Variants in LIFR observed in about 807,000 individuals in gnomAD.
LIFR encodes LIF receptor subunit alpha.
Under a neutral mutation model 122.2 loss-of-function variants are expected in LIFR, and 84 were observed. That is an observed-to-expected ratio of 0.69 (90% CI 0.58 to 0.82). LIFR has a LOEUF of 0.82. LIFR is among the 40% of genes least tolerant of loss of function. The pLI is 0.00. For missense variants in LIFR, 1,294 were observed against 1,311.6 expected (o/e 0.99, Z 0.21); for synonymous variants, 422 against 434.7 (o/e 0.97, Z 0.36).
At chr5:38,546,769 G>A (rs1041039003) in intron 1 of LIFR, among the ~76,000 whole-genome samples, 3 of 152,220 alleles carry the variant, frequency 2.0e-5, no homozygotes, top group African/African-American at 7.2e-5. Context: ...TGCCATTTAT[G>A]TAACGTCCAC....
chr5:38,557,141 A>G (rs1363508896), upstream of LIFR: 2 of 152,004 alleles, frequency 1.3e-5, no homozygotes, highest in Non-Finnish European at 2.9e-5. Context: ...TTACCTAAAC[A>G]GCCCAGGGCC....
intron 13 of LIFR, among the ~76,000 whole-genome samples, chr5:38,494,731 G>A (rs1043574413): frequency 4.6e-5 from 7 of 152,134 alleles, no homozygotes; most frequent in African/African-American, 1.7e-4. Context: ...TAAATTTTTA[G>A]ACGAGTAATT....
intron 1 of LIFR, among the ~76,000 whole-genome samples, chr5:38,537,181 G>A (rs1489187776): frequency 6.6e-6 from 1 of 152,110 alleles, no homozygotes; most frequent in Non-Finnish European, 1.5e-5. Context: ...GCTCTCCACT[G>A]TTTCAACACA....
chr5:38,547,800 A>G (rs1281431430), intron 1 of LIFR, among the ~76,000 whole-genome samples: 1 of 152,204 alleles, frequency 6.6e-6, no homozygotes, highest in Admixed American at 6.5e-5. Flanking sequence ...CCTACATGGT[A>G]TAGTCTACTA....
chr5:38,545,415 A>G (rs924580380), intron 1 of LIFR, among the ~76,000 whole-genome samples: 6 of 152,154 alleles, frequency 3.9e-5, no homozygotes, highest in African/African-American at 1.4e-4. Context: ...TTAATCTAGA[A>G]GGATATGTAA....
intron 1 of LIFR, among the ~76,000 whole-genome samples, chr5:38,583,725 T>C (rs1359637316): frequency 6.6e-6 from 1 of 152,110 alleles, no homozygotes. Context: ...CTAAACACCA[T>C]TGATATGGTT....
Position 38,510,735 on chromosome 5 carries a change from G to C in LIFR, c.737-17C>G. 1.3e-6 allele frequency: 2 copies of C among 1,595,956 alleles called. No individual in the cohort carries two copies. Among genetic ancestry groups the C allele is most frequent in the Non-Finnish European group, 1.7e-6 (2 of 1,165,374 alleles). On this transcript the variant is annotated splice_polypyrimidine_tract_variant and intron_variant, in intron 6 of 19. Transcript: ENST00000453190. ...CAGGTATCCCTAGAAAGAAAAAGAG[G>C]AATTATAAACATTTTATATAGAAGT...
intron 5 of LIFR, among the ~76,000 whole-genome samples, 190 bp from the exon 6 acceptor site, chr5:38,512,154 T>C (rs1230010138): frequency 6.6e-6 from 1 of 152,236 alleles, no homozygotes; most frequent in Non-Finnish European, 1.5e-5. Flanking sequence ...TGTTTACTTC[T>C]TCAACTTTAG....
At chr5:38,545,740 T>C (rs1747849641) in intron 1 of LIFR, among the ~76,000 whole-genome samples, 1 of 151,578 alleles carries the variant, frequency 6.6e-6, no homozygotes, top group Non-Finnish European at 1.5e-5. Context: ...CGGGCGCCTG[T>C]AGTCCCAGCT....
chr5:38,505,269 C>A (rs1402680366), intron 9 of LIFR, among the ~76,000 whole-genome samples: 1 of 152,040 alleles, frequency 6.6e-6, no homozygotes, highest in Non-Finnish European at 1.5e-5. Flanking sequence ...TGTCAAGGCA[C>A]AGGGATGTGA....
chr5:38,504,229 T>A (rs1236305148), intron 9 of LIFR, 108 bp from the exon 10 acceptor site: 3 of 764,040 alleles, frequency 3.9e-6, no homozygotes, highest in Non-Finnish European at 6.8e-6. Context: ...TCATTAGTGC[T>A]GACCAACAAC....
At chr5:38,555,820 T>C (rs1054570852) in intron 1 of LIFR, among the ~76,000 whole-genome samples, 52 of 152,128 alleles carry the variant, frequency 3.4e-4, no homozygotes, top group African/African-American at 1.3e-3. Context: ...GCTTTGTGCT[T>C]TTACACAACA....
chr5:38,540,316 G>A (rs902208956), intron 1 of LIFR, among the ~76,000 whole-genome samples: 4 of 152,172 alleles, frequency 2.6e-5, no homozygotes, highest in African/African-American at 4.8e-5. Context: ...TGTACAATGT[G>A]ATTAGAAATT....
chr5:38,555,240 C>T lies in LIFR; in HGVS notation c.-20+1094G>A, dbSNP rs58112446. On this transcript the variant is annotated intron_variant, in intron 1 of 19. Coordinates refer to ENST00000453190, the MANE Select transcript of LIFR (RefSeq NM_001127671.2). ...CTTAGGCTTCCTTTTCTCTGCCAGG[C>T]TTAGACAAGAAACTCTCTGGTAACA... 0.012 allele frequency among the ~76,000 whole-genome samples: 1,783 copies of T among 152,234 alleles called. 183 individuals carry two copies. In the East Asian group the frequency reaches 0.25, roughly 21 times the overall value.
At chr5:38,597,027 C>A (rs753911019), upstream of LIFR, among the ~76,000 whole-genome samples, 8 of 152,236 alleles carry the variant, frequency 5.3e-5, no homozygotes, top group Non-Finnish European at 1.2e-4. Flanking sequence ...CTAGAGGAAG[C>A]CCAGCTTCTG....
intron 1 of LIFR, among the ~76,000 whole-genome samples, chr5:38,571,445 C>T (rs1433378705): frequency 7.1e-6 from 1 of 141,748 alleles, no homozygotes. Context: ...GTCCCAGCTA[C>T]TTAAGAGGCT....
At chr5:38,590,660 G>A (rs913802433) in intron 1 of LIFR, among the ~76,000 whole-genome samples, 2 of 152,144 alleles carry the variant, frequency 1.3e-5, no homozygotes, top group Non-Finnish European at 2.9e-5. Flanking sequence ...CATGTATTGA[G>A]TCCTCACTAT....
intron 1 of LIFR, among the ~76,000 whole-genome samples, chr5:38,570,514 C>T (rs1366356332): frequency 3.3e-5 from 5 of 152,008 alleles, no homozygotes; most frequent in African/African-American, 9.7e-5. Context: ...GAGGCTTTTT[C>T]GGTCTGGACT....
intron 1 of LIFR, among the ~76,000 whole-genome samples, chr5:38,581,637 C>T (rs1008592224): frequency 2.0e-5 from 3 of 152,142 alleles, no homozygotes; most frequent in African/African-American, 7.2e-5. Flanking sequence ...GTGAAATGAG[C>T]AGGTCCTTTC....
Sources: allele counts gnomAD v4.1 joint callset (sites outside exome capture counted in the v4.1 genomes callset), GRCh38; gene constraint gnomAD v4.1.1; transcripts MANE v1.5; gene names NCBI Gene and HGNC (gene_info 2026-07-23, HGNC 2026-07-21).